Variants in CSMD1 observed in about 807,000 individuals in gnomAD.
The protein encoded by CSMD1 is CUB and sushi domain-containing protein 1.
CSMD1 carries 213 observed loss-of-function variants against 417.5 expected under a neutral mutation model. The ratio of observed to expected loss-of-function variants is 0.51; its 90% CI spans 0.46 to 0.57. The LOEUF (loss-of-function observed/expected upper bound fraction) is 0.57, where lower values mean the gene tolerates loss of function less well. Among genes scored for constraint, CSMD1 ranks in the 20% least tolerant of loss-of-function variants. CSMD1 has a pLI of 0.00. For synonymous variants in CSMD1, 2,862 were observed against 1,736.8 expected (o/e 1.65, Z -16.11); for missense variants, 6,923 against 4,529.7 (o/e 1.53, Z -15.17).
At chr8:4,756,383 T>A (rs527929983) in intron 1 of CSMD1, among the ~76,000 whole-genome samples, 1 of 152,204 alleles carries the variant, frequency 6.6e-6, no homozygotes, top group Non-Finnish European at 1.5e-5. Context: ...CACTTGGTTT[T>A]TTTCTGACCC....
At chr8:4,745,955 C>T (rs146594863) in intron 1 of CSMD1, among the ~76,000 whole-genome samples, 17 of 152,242 alleles carry the variant, frequency 1.1e-4, no homozygotes, top group African/African-American at 3.1e-4. Context: ...GGTATCTCAT[C>T]GGTACGCTTT....
chr8:3,076,683 G>A (rs1348630280), intron 49 of CSMD1, among the ~76,000 whole-genome samples: 1 of 152,170 alleles, frequency 6.6e-6, no homozygotes, highest in Non-Finnish European at 1.5e-5. Context: ...CACTGTTTAT[G>A]TTAGAAACCT....
At chr8:3,951,279 C>G (rs928272577) in intron 5 of CSMD1, among the ~76,000 whole-genome samples, 1 of 152,184 alleles carries the variant, frequency 6.6e-6, no homozygotes, top group Non-Finnish European at 1.5e-5. Flanking sequence ...CTCCTCAGCC[C>G]TGGCCCACCT....
At chr8:3,944,164 T>C (rs977006081) in intron 5 of CSMD1, among the ~76,000 whole-genome samples, 1 of 152,130 alleles carries the variant, frequency 6.6e-6, no homozygotes, top group African/African-American at 2.4e-5. Context: ...TTTTTTACTG[T>C]TTATGCAACA....
intron 22 of CSMD1, 91 bp downstream of exon 22, chr8:3,347,901 G>T (rs75454001): frequency 0.15 from 115,338 of 749,492 alleles, 9,553 homozygotes; most frequent in Middle Eastern, 0.16. Context: ...ATGTTAATAT[G>T]TGCATATATC....
At chr8:4,379,060 T>G (rs1428771283) in intron 3 of CSMD1, among the ~76,000 whole-genome samples, 1 of 152,112 alleles carries the variant, frequency 6.6e-6, no homozygotes, top group Non-Finnish European at 1.5e-5. Flanking sequence ...AAAAAGGAAT[T>G]TTATAGTGGA....
chr8:3,681,540 G>C (rs1438090022), intron 7 of CSMD1, among the ~76,000 whole-genome samples: 1 of 152,066 alleles, frequency 6.6e-6, no homozygotes, highest in Non-Finnish European at 1.5e-5. Context: ...AAATAAAAGA[G>C]GATACAAACA....
At chr8:4,075,885 A>T (rs535872540) in intron 3 of CSMD1, among the ~76,000 whole-genome samples, 1 of 152,206 alleles carries the variant, frequency 6.6e-6, no homozygotes. Flanking sequence ...TAGCCCAGAA[A>T]TTATAATTGG....
At chr8:3,414,211 GCAAAAAAA>G (rs1387168175) in intron 12 of CSMD1, among the ~76,000 whole-genome samples, 36 of 2,188 alleles carry the variant, frequency 0.016, no homozygotes, top group African/African-American at 0.036. Context: ...TGCACCTAAA[GCAAAAAAA>G]AAAAAAAAAA....
intron 55 of CSMD1, among the ~76,000 whole-genome samples, chr8:2,975,046 C>A (rs774858108): frequency 1.3e-5 from 2 of 152,138 alleles, no homozygotes; most frequent in Non-Finnish European, 1.5e-5. Flanking sequence ...TCTTTGCTTG[C>A]GGACATGATT....
intron 2 of CSMD1, among the ~76,000 whole-genome samples, chr8:4,487,328 A>G (rs1358275951): frequency 6.6e-6 from 1 of 151,962 alleles, no homozygotes; most frequent in Non-Finnish European, 1.5e-5. Context: ...CCCTCTCCCC[A>G]CAACAGTCCC....
At position 4,814,783 on chromosome 8, in the gene CSMD1, A is replaced by T. The variant is rs1443724268; in HGVS notation, c.86-177225T>A. Among the ~76,000 whole-genome samples the T allele has an allele frequency of 2.0e-5, 3 of 152,184 alleles. No homozygotes were observed. The East Asian group carries it at 5.8e-4, about 29-fold the overall frequency. Reference sequence around the variant, plus strand: ...GATAAGGAAATGTTCTAAAATTTCAAAATCTATATTAATTTTAGCTTACTG... The same window carrying T: ...GATAAGGAAATGTTCTAAAATTTCATAATCTATATTAATTTTAGCTTACTG... On this transcript the variant is annotated intron_variant, in intron 1 of 69. Coordinates refer to ENST00000635120, the MANE Select transcript of CSMD1 (RefSeq NM_033225.6).
intron 6 of CSMD1, 66 bp downstream of exon 6, chr8:3,753,864 G>C: frequency 6.2e-6 from 7 of 1,129,406 alleles, no homozygotes; most frequent in Non-Finnish European, 9.0e-6. Context: ...AAATTTCATG[G>C]CTAGAAAGGA....
At chr8:4,153,512 T>C (rs929861441) in intron 3 of CSMD1, among the ~76,000 whole-genome samples, 2 of 152,218 alleles carry the variant, frequency 1.3e-5, no homozygotes, top group African/African-American at 2.4e-5. Flanking sequence ...TCACAATTGT[T>C]GAATTACAAA....
intron 54 of CSMD1, among the ~76,000 whole-genome samples, chr8:2,980,764 CCT>C (rs1458622608): frequency 3.9e-5 from 6 of 152,166 alleles, no homozygotes; most frequent in Non-Finnish European, 5.9e-5. Flanking sequence ...ACAATAAACC[CCT>C]CATTCTTGTA....
At chr8:3,751,326 G>GTGTA (rs398006953) in intron 6 of CSMD1, among the ~76,000 whole-genome samples, 9,052 of 132,696 alleles carry the variant, frequency 0.068, 338 homozygotes, top group Non-Finnish European at 0.093. Flanking sequence ...GTGTGTGTGT[G>GTGTA]TATATATATA....
chr8:3,155,358 G>GTTTTTTTTTTTTTTTTTTTTTTTT (rs763097673), intron 39 of CSMD1, among the ~76,000 whole-genome samples: 6 of 48,092 alleles, frequency 1.2e-4, no homozygotes, highest in South Asian at 9.8e-4. Context: ...TCAAGGCTGG[G>GTTTTTTTTTTTTTTTTTTTTTTTT]ATTTTTTTTT....
intron 2 of CSMD1, among the ~76,000 whole-genome samples, chr8:4,444,758 C>T (rs570701190): frequency 3.9e-5 from 6 of 152,230 alleles, no homozygotes; most frequent in African/African-American, 1.4e-4. Context: ...ATATGTCTAC[C>T]TAATTTTCCC....
intron 3 of CSMD1, among the ~76,000 whole-genome samples, chr8:4,069,239 C>A (rs556498562): frequency 6.6e-6 from 1 of 152,050 alleles, no homozygotes; most frequent in Admixed American, 6.6e-5. Context: ...ATGAGAAAAT[C>A]AAAAATTTTG....
Sources: gnomAD v4.1 joint callset for allele counts (sites outside exome capture counted in the v4.1 genomes callset) on GRCh38, gnomAD v4.1.1 for gene constraint, MANE v1.5 for transcripts, NCBI Gene and HGNC (gene_info 2026-07-23, HGNC 2026-07-21) for gene names.